The following AQP8 variants were observed in gnomAD, a reference collection of about 807,000 sequenced individuals.
AQP8 encodes the protein aquaporin 8.
Under a neutral mutation model 26.1 loss-of-function variants are expected in AQP8, and 14 were observed. That is an observed-to-expected ratio of 0.54 (90% CI 0.35 to 0.84). The LOEUF is 0.84. Among genes scored for constraint, AQP8 ranks in the 40% least tolerant of loss-of-function variants. The pLI is 0.01. For missense variants in AQP8, 301 were observed against 340.5 expected (o/e 0.88, Z 0.91); for synonymous variants, 131 against 150.7 (o/e 0.87, Z 0.96).
intron 5 of AQP8, 32 bp downstream of exon 5, chr16:25,227,234 T>C: frequency 6.2e-7 from 1 of 1,613,010 alleles, no homozygotes. Flanking sequence ...ACCGGCCCAT[T>C]GGATGGGCAC....
intron 2 of AQP8, among the ~76,000 whole-genome samples, chr16:25,218,908 A>G (rs1962522244): frequency 6.6e-6 from 1 of 151,228 alleles, no homozygotes; most frequent in Non-Finnish European, 1.5e-5. Flanking sequence ...CAAACAAACA[A>G]AAAACAAACC....
In AQP8 at chr16:25,217,295, C is replaced by T; in HGVS notation, c.110C>T (p.Pro37Leu). 1 of 1,614,160 alleles carries T rather than the reference C, an allele frequency of 6.2e-7. No homozygotes were observed. The highest frequency in any genetic ancestry group is 8.5e-7 in the Non-Finnish European group (1 of 1,180,040). Reference sequence around the variant, plus strand: ...TCCTGGTACGAACGGTTTGTGCAGCCATGTCTGGTCGAACTGCTGGGCTCT... The same window carrying T: ...TCCTGGTACGAACGGTTTGTGCAGCTATGTCTGGTCGAACTGCTGGGCTCT... ...RVSWYERFVQ[P>L]CLVELLGSAL... Residue 37 changes from proline to leucine, a missense_variant, in exon 2 of 6, where the codon CCA (proline) becomes CTA (leucine). Physicochemically the swap from Pro to Leu is moderately conservative, Grantham distance 98. Coordinates refer to ENST00000219660, the MANE Select transcript of AQP8 (RefSeq NM_001169.3).
Position 25,217,372 on chromosome 16 carries a change from A to G in AQP8, c.187A>G (p.Thr63Ala), listed in dbSNP as rs776417844. 1 of 1,613,946 alleles carries G rather than the reference A, an allele frequency of 6.2e-7. No individual in the cohort carries two copies. The highest frequency in any genetic ancestry group is 8.5e-7 in the Non-Finnish European group (1 of 1,179,992). ...GTCGGTCATTGAGAATGGGACGGAC[A>G]CTGGGCTGCTGCAGCCGGCCCTGGC... ...CLSVIENGTD[T>A]GLLQPALAHG... Residue 63 changes from threonine to alanine, a missense_variant, in exon 2 of 6, where the codon ACT becomes GCT. Coordinates refer to ENST00000219660, the MANE Select transcript of AQP8 (RefSeq NM_001169.3).
rs1005671210 is a variant in AQP8, at chr16:25,228,665, G to C, written c.*173G>C. The C allele has an allele frequency of 1.6e-6, 1 of 632,996 alleles. No homozygotes were observed. The highest frequency in any genetic ancestry group is 1.8e-5 in the African/African-American group (1 of 54,420). The allele number at this position is 632,996 out of a possible 1,614,324, so 39.2% of individuals were successfully genotyped here. On this transcript the variant is annotated 3_prime_UTR_variant, in exon 6 of 6. Transcript: ENST00000219660. ...TAGACTGACTGCTGAGGAGGCTCTA[G>C]GTTCTTGGAATTCCTTTGTGCTCAT...
Position 25,227,280 on chromosome 16 carries a change from G to T in AQP8, c.737+78G>T, listed in dbSNP as rs985930959. On this transcript the variant is annotated intron_variant, in intron 5 of 5. Coordinates refer to ENST00000219660, the MANE Select transcript of AQP8 (RefSeq NM_001169.3). ...CTCCCAGAGAGTCCGGGACTAGAGG[G>T]CTAGGCTCTCACTTGGGTTTGGAAG... 5 of 1,578,016 alleles carry T rather than the reference G, an allele frequency of 3.2e-6. No homozygotes were observed. In the African/African-American group the frequency reaches 5.4e-5, roughly 17 times the overall value.
At chr16:25,221,321 T>A in intron 2 of AQP8, 136 bp from the exon 3 acceptor site, 1 of 1,051,550 alleles carries the variant, frequency 9.5e-7, no homozygotes, top group Non-Finnish European at 1.4e-6. Context: ...GGTGCCTCTT[T>A]GTATTTGAGC....
intron 2 of AQP8, 152 bp downstream of exon 2, chr16:25,217,597 A>G (rs1962505699): frequency 9.7e-7 from 1 of 1,029,866 alleles, no homozygotes; most frequent in East Asian, 2.5e-5. Context: ...GACTGGGGTC[A>G]ACTCCAGACC....
chr16:25,222,053 C>T (rs1463949478), intron 3 of AQP8, among the ~76,000 whole-genome samples: 1 of 151,842 alleles, frequency 6.6e-6, no homozygotes, highest in Non-Finnish European at 1.5e-5. Context: ...CAGGCATGAG[C>T]CACTGTGCCC....
intron 2 of AQP8, among the ~76,000 whole-genome samples, chr16:25,218,042 C>T (rs145253901): frequency 3.0e-3 from 455 of 152,232 alleles, no homozygotes; most frequent in African/African-American, 1.0e-2. Context: ...AAGTGAAAGG[C>T]CATGTAATCT....
At chr16:25,221,690 C>G (rs1962565010) in intron 3 of AQP8, 107 bp downstream of exon 3, 1 of 1,393,466 alleles carries the variant, frequency 7.2e-7, no homozygotes, top group Non-Finnish European at 9.8e-7. Flanking sequence ...AATGTCCAAT[C>G]TTTTGCTTGT....
In AQP8 at chr16:25,222,695, G is replaced by A. The variant is rs113687681; in HGVS notation, c.387+1112G>A. Among the ~76,000 whole-genome samples, 492 of 151,820 alleles carry A rather than the reference G, an allele frequency of 3.2e-3. 5 individuals carry two copies. The highest frequency in any genetic ancestry group is 0.011 in the African/African-American group (466 of 41,398). On this transcript the variant is annotated intron_variant, in intron 3 of 5. Coordinates refer to ENST00000219660, the MANE Select transcript of AQP8 (RefSeq NM_001169.3). ...TGTGTGTGTGGGGGGTGGTGGATGG[G>A]GGAGCTCTGTCAGCTTGGCTGTGAT...
chr16:25,220,004 C>T (rs1433262051), intron 2 of AQP8, among the ~76,000 whole-genome samples: 1 of 151,486 alleles, frequency 6.6e-6, no homozygotes, highest in Non-Finnish European at 1.5e-5. Flanking sequence ...CATTGCACTC[C>T]AGCCTGGGTG....
chr16:25,228,324 C>A, intron 5 of AQP8, 120 bp from the exon 6 acceptor site: 2 of 824,520 alleles, frequency 2.4e-6, no homozygotes, highest in Non-Finnish European at 4.1e-6. Context: ...GGGGATCTGG[C>A]TATTAAGGCT....
Position 25,224,705 on chromosome 16 carries a change from G to T in AQP8, c.602+129G>T, listed in dbSNP as rs968772727. On this transcript the variant is annotated intron_variant, in intron 4 of 5. Coordinates refer to ENST00000219660, the MANE Select transcript of AQP8 (RefSeq NM_001169.3). ...AGGAAGGTGCTGCAAATGGGGAGGG[G>T]GGCTGGCATCAGGCAGACAACAGGG... 15 of 906,282 alleles carry T rather than the reference G, an allele frequency of 1.7e-5. No individual in the cohort carries two copies. The African/African-American group carries it at 2.3e-4, about 14-fold the overall frequency. The allele number at this position is 906,282 out of a possible 1,614,324, so 56.1% of individuals were successfully genotyped here.
chr16:25,228,425 T>G lies in AQP8; in HGVS notation c.738-19T>G. ...CTCACCTCCGGGGCAGAGACCTTAC[T>G]GGGTCATCTTTCTTGCAGGTGCTTC... On this transcript the variant is annotated intron_variant, in intron 5 of 5. Transcript: ENST00000219660. 1.2e-6 allele frequency: 2 copies of G among 1,613,826 alleles called. No homozygotes were observed. The highest frequency in any genetic ancestry group is 1.7e-6 in the Non-Finnish European group (2 of 1,179,808).
At position 25,217,396 on chromosome 16, in the gene AQP8, G is replaced by T; in HGVS notation, c.211G>T (p.Ala71Ser). ...CACTGGGCTGCTGCAGCCGGCCCTG[G>T]CCCACGGGCTGGCTTTGGGGCTCGT... ...TDTGLLQPAL[A>S]HGLALGLVIA... The change falls in exon 2 of 6, where the codon GCC becomes TCC. Residue 71 changes from alanine to serine, a missense_variant. Transcript: ENST00000219660. 2 of 1,614,146 alleles carry T rather than the reference G, an allele frequency of 1.2e-6. No homozygotes were observed. Among genetic ancestry groups the T allele is most frequent in the Non-Finnish European group, 1.7e-6 (2 of 1,180,018 alleles).
rs533891847 is a variant in AQP8, at chr16:25,224,468, C to T, written c.494C>T (p.Thr165Met). ...AGALVAEIIL[T>M]TLLALAVCMG... ...GCGTTGGTGGCAGAGATCATCCTGACGACGCTGCTGGCCCTGGCTGTATGC... is the reference window on the plus strand; with the variant it reads ...GCGTTGGTGGCAGAGATCATCCTGATGACGCTGCTGGCCCTGGCTGTATGC... Residue 165 changes from threonine (T) to methionine (M), a missense_variant, in exon 4 of 6, where the codon ACG becomes ATG. By Grantham distance (81) the Thr-to-Met change is moderately conservative (BLOSUM62 -1). Transcript: ENST00000219660. The T allele has an allele frequency of 1.7e-5, 27 of 1,614,130 alleles. No individual in the cohort carries two copies. Among genetic ancestry groups the T allele is most frequent in the South Asian group, 8.8e-5 (8 of 91,086 alleles).
chr16:25,220,841 A>G (rs1370727358), intron 2 of AQP8, among the ~76,000 whole-genome samples: 3 of 152,188 alleles, frequency 2.0e-5, no homozygotes, highest in Non-Finnish European at 4.4e-5. Context: ...GCTTGAGGTC[A>G]GGAGTTTGAG....
At chr16:25,221,657 T>G (rs1394369622) in intron 3 of AQP8, 74 bp downstream of exon 3, 35 of 1,568,208 alleles carry the variant, frequency 2.2e-5, no homozygotes, top group Admixed American at 3.4e-5. Flanking sequence ...TGGGTGTGTG[T>G]GTGGGACAGT....
Sources: gnomAD v4.1 joint callset for allele counts (sites outside exome capture counted in the v4.1 genomes callset) on GRCh38, gnomAD v4.1.1 for gene constraint, MANE v1.5 for transcripts, NCBI Gene and HGNC (gene_info 2026-07-23, HGNC 2026-07-21) for gene names.